CHMP4C: variants seen among roughly 807,000 people sequenced by gnomAD.
CHMP4C encodes SNF7 homolog associated with Alix 3.
A neutral mutation model predicts 29.0 loss-of-function variants in CHMP4C; 28 were observed. That is an observed-to-expected ratio of 0.97 (90% CI 0.72 to 1.32). The LOEUF (loss-of-function observed/expected upper bound fraction) is 1.32. Ranked by LOEUF, CHMP4C falls within the 40% of genes most tolerant of loss-of-function variation. The pLI is 0.00. For missense variants in CHMP4C, 291 were observed against 281.0 expected (o/e 1.04, Z -0.25); for synonymous variants, 106 against 102.4 (o/e 1.04, Z -0.21).
chr8:81,735,574 T>A (rs1373294550), intron 1 of CHMP4C, among the ~76,000 whole-genome samples: 1 of 152,182 alleles, frequency 6.6e-6, no homozygotes, highest in Non-Finnish European at 1.5e-5. Context: ...CAGGGTGACA[T>A]AATTTATGTG....
intron 1 of CHMP4C, among the ~76,000 whole-genome samples, chr8:81,743,316 T>A (rs906513129): frequency 2.0e-5 from 3 of 151,406 alleles, no homozygotes; most frequent in Non-Finnish European, 4.4e-5. Flanking sequence ...AAATTAAGCA[T>A]AATCAGCTAT....
At position 81,753,269 on chromosome 8, in the gene CHMP4C, C is replaced by G; in HGVS notation, c.368+28C>G. 1.9e-6 allele frequency: 3 copies of G among 1,547,736 alleles called. No homozygotes were observed. In the South Asian group the frequency reaches 3.8e-5, roughly 20 times the overall value. ...GAGTGACTCTGGTCTCCCTCTGAAT[C>G]ATAAATTCCCTCAGTGTTGGGAAGA... On this transcript the variant is annotated intron_variant, in intron 2 of 4. Coordinates refer to ENST00000297265, the MANE Select transcript of CHMP4C (RefSeq NM_152284.4).
intron 4 of CHMP4C, 31 bp from the exon 5 acceptor site, chr8:81,758,449 A>G (rs762056404): frequency 1.3e-6 from 2 of 1,579,196 alleles, no homozygotes; most frequent in South Asian, 2.2e-5. Context: ...AATGTCACCA[A>G]TTACTAATTT....
At chr8:81,756,705 G>T (rs532117993) in intron 3 of CHMP4C, among the ~76,000 whole-genome samples, 2 of 152,082 alleles carry the variant, frequency 1.3e-5, no homozygotes, top group Non-Finnish European at 2.9e-5. Flanking sequence ...TTACCATATT[G>T]CTAAAGAAAA....
chr8:81,742,601 G>A (rs1001189636), intron 1 of CHMP4C, among the ~76,000 whole-genome samples: 16 of 152,124 alleles, frequency 1.1e-4, no homozygotes, highest in Admixed American at 3.3e-4. Flanking sequence ...TATATGCTAC[G>A]TAGTCATACT....
chr8:81,749,701 C>T (rs1471754235), intron 1 of CHMP4C, among the ~76,000 whole-genome samples: 1 of 152,138 alleles, frequency 6.6e-6, no homozygotes, highest in Non-Finnish European at 1.5e-5. Flanking sequence ...AAGTGATGTT[C>T]CCTCACCTGC....
intron 1 of CHMP4C, among the ~76,000 whole-genome samples, chr8:81,752,032 G>A (rs1808910238): frequency 6.6e-6 from 1 of 151,926 alleles, no homozygotes; most frequent in Non-Finnish European, 1.5e-5. Flanking sequence ...AAAGTATAAT[G>A]GCTGAGTCTT....
intron 1 of CHMP4C, among the ~76,000 whole-genome samples, chr8:81,739,405 G>T (rs1318145103): frequency 8.5e-6 from 1 of 117,566 alleles, no homozygotes. Context: ...GTATTCTAAG[G>T]CCTGGGGGAT....
In CHMP4C at chr8:81,758,254, G is replaced by C; in HGVS notation, c.596G>C (p.Arg199Thr). 2 of 1,613,978 alleles carry C rather than the reference G, an allele frequency of 1.2e-6. No homozygotes were observed. Among genetic ancestry groups the C allele is most frequent in the Non-Finnish European group, 1.7e-6 (2 of 1,179,950 alleles). Reference protein sequence around the residue: ...PSSSLPAQPNRKPGMSSTARR... With the variant: ...PSSSLPAQPNTKPGMSSTARR... ...TCTTCTCTCCCAGCACAGCCAAATA[G>C]AAAACCAGGCATGTCGTCCACTGCA... The change falls in exon 4 of 5, where the codon AGA becomes ACA. Residue 199 changes from arginine (R) to threonine (T), a missense_variant. Arg to Thr is a moderately conservative substitution (Grantham distance 71). Coordinates refer to ENST00000297265, the MANE Select transcript of CHMP4C (RefSeq NM_152284.4).
intron 1 of CHMP4C, among the ~76,000 whole-genome samples, chr8:81,733,768 C>G (rs955708682): frequency 6.6e-6 from 1 of 152,138 alleles, no homozygotes. Context: ...CTTGTAACAC[C>G]GGGTTCATGG....
rs144031097 is a variant in CHMP4C at position 81,753,119 on chromosome 8, T to G, written c.246T>G (p.Ile82Met). The change falls in exon 2 of 5, where the codon ATT (isoleucine) becomes ATG (methionine). Residue 82 changes from isoleucine to methionine, a missense_variant. By Grantham distance (10) the Ile-to-Met change is conservative (BLOSUM62 1). Coordinates refer to ENST00000297265, the MANE Select transcript of CHMP4C (RefSeq NM_152284.4). ...GGTTCGAGAAACAGCTCACTCAGAT[T>G]GATGGCACACTTTCTACCATTGAGT... ...KKRFEKQLTQ[I>M]DGTLSTIEFQ... is the part of the protein sequence containing the mutation. 1.1e-5 allele frequency: 18 copies of G among 1,612,742 alleles called. No individual in the cohort carries two copies. The African/African-American group carries it at 2.4e-4, about 22-fold the overall frequency.
intron 1 of CHMP4C, among the ~76,000 whole-genome samples, chr8:81,736,085 CAATAAATAAATAAATAAATAAATA>C (rs55869119): frequency 6.3e-4 from 85 of 135,900 alleles, no homozygotes; most frequent in South Asian, 1.1e-3. Context: ...GACTATGTCT[CAATAAATAAATAAATAAATAAATA>C]AATAAATAAA....
At chr8:81,757,012 A>G (rs748972794) in intron 3 of CHMP4C, among the ~76,000 whole-genome samples, 5 of 152,112 alleles carry the variant, frequency 3.3e-5, no homozygotes, top group Non-Finnish European at 5.9e-5. Flanking sequence ...AGGTCAGACA[A>G]TCTTTAGCTT....
Position 81,755,402 on chromosome 8 carries a change from A to G in CHMP4C, c.401A>G (p.Glu134Gly). Residue 134 changes from glutamate to glycine, a missense_variant, in exon 3 of 5, where the codon GAG becomes GGG. Transcript: ENST00000297265. The stretch of plus-strand genomic sequence containing the variant: ...AACAAAATAGATGATTTGATGCAAG[A>G]GATCACAGAGCAACAGGATATCGCC... ...DLNKIDDLMQ[E>G]ITEQQDIAQE... The G allele has an allele frequency of 1.2e-6, 2 of 1,610,828 alleles. No homozygotes were observed.
chr8:81,741,303 T>C (rs892527347), intron 1 of CHMP4C, among the ~76,000 whole-genome samples: 1 of 152,224 alleles, frequency 6.6e-6, no homozygotes, highest in Admixed American at 6.5e-5. Context: ...CCTTCATTTA[T>C]ACTATTTTAC....
At chr8:81,735,588 T>C (rs970335379) in intron 1 of CHMP4C, among the ~76,000 whole-genome samples, 1 of 152,188 alleles carries the variant, frequency 6.6e-6, no homozygotes, top group Admixed American at 6.5e-5. Context: ...TTATGTGCAA[T>C]TGAAGTTTTA....
At chr8:81,739,417 GT>G (rs370461362) in intron 1 of CHMP4C, among the ~76,000 whole-genome samples, 1,068 of 97,494 alleles carry the variant, frequency 0.011, 26 homozygotes, top group African/African-American at 0.042. Context: ...CTGGGGGATT[GT>G]GGGGGGGGGT....
chr8:81,758,844 T>C lies in CHMP4C; in HGVS notation c.*300T>C, dbSNP rs924045946. ...GAAGAAACCCTGTCTGTACTAAAAA[T>C]ACAAAAATTAGCCGGACATGGTGGC... is the stretch of plus-strand genomic sequence containing the variant. On this transcript the variant is annotated 3_prime_UTR_variant, in exon 5 of 5. Coordinates refer to ENST00000297265, the MANE Select transcript of CHMP4C (RefSeq NM_152284.4). 1.7e-5 allele frequency: 4 copies of C among 228,908 alleles called. No individual in the cohort carries two copies. Among genetic ancestry groups the C allele is most frequent in the Non-Finnish European group, 1.7e-5 (2 of 117,722 alleles). 14.2% of individuals were successfully genotyped at this position (228,908 alleles called of 1,614,324 possible).
chr8:81,744,437 T>G (rs181451951), intron 1 of CHMP4C, among the ~76,000 whole-genome samples: 7 of 152,328 alleles, frequency 4.6e-5, no homozygotes, highest in African/African-American at 1.7e-4. Context: ...GGACTTTATC[T>G]ACATAGAAGA....
Sources: allele counts gnomAD v4.1 joint callset (sites outside exome capture counted in the v4.1 genomes callset), GRCh38; gene constraint gnomAD v4.1.1; transcripts MANE v1.5; gene names NCBI Gene and HGNC (gene_info 2026-07-23, HGNC 2026-07-21).